Variants in ZNF678 observed in about 807,000 individuals in gnomAD.
ZNF678 encodes the protein zinc finger protein 678.
In ZNF678, 5 loss-of-function variants were observed where a neutral mutation model predicts 3.0. That is an observed-to-expected ratio of 1.69 (90% CI 0.88 to 3.56). ZNF678 has a LOEUF of 3.56. ZNF678 is among the 30% of genes most tolerant of loss of function. ZNF678 has a pLI of 0.00. For synonymous variants in ZNF678, 218 were observed against 199.6 expected, an observed-to-expected ratio of 1.09 and a Z score of -0.78; for missense variants, 593 against 605.0, an observed-to-expected ratio of 0.98 and a Z score of 0.21.
intron 2 of ZNF678, 144 bp from the exon 3 acceptor site, chr1:227,650,812 T>C: frequency 1.8e-6 from 1 of 570,592 alleles, no homozygotes; most frequent in Non-Finnish European, 2.9e-6. Flanking sequence ...TTTTATATTC[T>C]GCCAATTTAC....
chr1:227,613,842 C>A lies in ZNF678; in HGVS notation c.-163-32702C>A, dbSNP rs556969902. 2.6e-5 allele frequency among the ~76,000 whole-genome samples: 4 copies of A among 152,292 alleles called. No homozygotes were observed. The East Asian group carries it at 5.8e-4, about 22-fold the overall frequency. Reference sequence around the variant, plus strand: ...TGTACCTTGCCTGCCACAAGCCCCACGCCCAAAACTGTTTCTCTGGTGCCA... The same window carrying A: ...TGTACCTTGCCTGCCACAAGCCCCAAGCCCAAAACTGTTTCTCTGGTGCCA... On this transcript the variant is annotated intron_variant, in intron 1 of 3. Transcript: ENST00000343776.
intron 1 of ZNF678, among the ~76,000 whole-genome samples, chr1:227,579,341 A>G (rs748803732): frequency 6.6e-6 from 1 of 152,052 alleles, no homozygotes; most frequent in Non-Finnish European, 1.5e-5. Context: ...TCTGTGCCCT[A>G]CAAGCACAGA....
intron 5 of ZNF678, among the ~76,000 whole-genome samples, chr1:227,673,275 A>T (rs1297538246): frequency 6.6e-6 from 1 of 152,156 alleles, no homozygotes; most frequent in African/African-American, 2.4e-5. Flanking sequence ...ACCACTGGAC[A>T]CCTGACCTTT....
At chr1:227,675,744 C>T (rs960330712) in intron 5 of ZNF678, among the ~76,000 whole-genome samples, 4 of 151,970 alleles carry the variant, frequency 2.6e-5, no homozygotes, top group African/African-American at 4.8e-5. Flanking sequence ...CCATAAAAAA[C>T]ACCTATTATG....
intron 1 of ZNF678, among the ~76,000 whole-genome samples, chr1:227,608,369 A>C (rs574185878): frequency 5.8e-4 from 89 of 152,254 alleles, no homozygotes; most frequent in Middle Eastern, 3.4e-3. Flanking sequence ...TAGGTAAATA[A>C]ATACTCATTT....
At chr1:227,642,803 C>G (rs1165998301) in intron 1 of ZNF678, among the ~76,000 whole-genome samples, 1 of 151,846 alleles carries the variant, frequency 6.6e-6, no homozygotes, top group Non-Finnish European at 1.5e-5. Flanking sequence ...TTTGTTTCTC[C>G]CCTCACAGAA....
At chr1:227,603,617 C>G (rs1657790971) in intron 1 of ZNF678, among the ~76,000 whole-genome samples, 1 of 152,194 alleles carries the variant, frequency 6.6e-6, no homozygotes, top group South Asian at 2.1e-4. Flanking sequence ...GCTCCAGGGT[C>G]TTGGCACCCC....
Position 227,650,943 on chromosome 1 carries a change from T to C in ZNF678, c.-36-13T>C. On this transcript the variant is annotated splice_polypyrimidine_tract_variant and intron_variant, in intron 2 of 3. Coordinates refer to ENST00000343776, the MANE Select transcript of ZNF678 (RefSeq NM_001367909.1). The stretch of plus-strand genomic sequence containing the variant: ...GCTTTTAAAAAATTTTCTTGCCTAA[T>C]TGTTCTGTCTAGGACTTCCAGGACT... 2 of 1,539,436 alleles carry C rather than the reference T, an allele frequency of 1.3e-6. No individual in the cohort carries two copies. Among genetic ancestry groups the C allele is most frequent in the Non-Finnish European group, 1.8e-6 (2 of 1,140,730 alleles).
At chr1:227,591,843 G>A (rs1657422333) in intron 1 of ZNF678, among the ~76,000 whole-genome samples, 1 of 152,150 alleles carries the variant, frequency 6.6e-6, no homozygotes, top group Admixed American at 6.5e-5. Flanking sequence ...ACTGCGAACA[G>A]CCCTCAGTCT....
intron 1 of ZNF678, among the ~76,000 whole-genome samples, chr1:227,628,526 T>A (rs190250665): frequency 1.6e-3 from 246 of 152,356 alleles, no homozygotes; most frequent in Non-Finnish European, 2.7e-3. Context: ...CAAGGAACCC[T>A]CTTAATTGCT....
In ZNF678 at chr1:227,593,426, G is replaced by T. The variant is rs1011652343; in HGVS notation, c.-164+29702G>T. Among the ~76,000 whole-genome samples the T allele has an allele frequency of 2.6e-5, 4 of 152,150 alleles. No homozygotes were observed. In the East Asian group the frequency reaches 7.7e-4, roughly 29 times the overall value. On this transcript the variant is annotated intron_variant, in intron 1 of 3. Coordinates refer to ENST00000343776, the MANE Select transcript of ZNF678 (RefSeq NM_001367909.1). ...AAACCGGTTGGGGCAGTCCATCCTT[G>T]CCCTTTAGTGGTCCACAGAATGTTG...
At chr1:227,667,979 A>G (rs1327958776) in intron 5 of ZNF678, among the ~76,000 whole-genome samples, 2 of 152,232 alleles carry the variant, frequency 1.3e-5, no homozygotes, top group African/African-American at 4.8e-5. Flanking sequence ...ATACAGATTT[A>G]TGGAACATTT....
intron 5 of ZNF678, among the ~76,000 whole-genome samples, chr1:227,676,836 A>G (rs961504012): frequency 6.6e-6 from 1 of 151,964 alleles, no homozygotes; most frequent in African/African-American, 2.4e-5. Context: ...CCATGTCCCT[A>G]CAAAGGACAT....
rs1425128760 is a variant in ZNF678 at position 227,654,374 on chromosome 1, C to G, written c.124C>G (p.Gln42Glu). ...SYSIQDLLPE[Q>E]DMKDLCQKVT... ...TTCCATTCAAGACCTTTTGCCAGAG[C>G]AGGATATGAAAGATTTATGCCAAAA... The change falls in exon 4 of 4, where the codon CAG becomes GAG. Residue 42 changes from glutamine to glutamate, a missense_variant. Physicochemically the swap from Gln to Glu is conservative, Grantham distance 29. Transcript: ENST00000343776. 2 of 1,587,686 alleles carry G rather than the reference C, an allele frequency of 1.3e-6. No individual in the cohort carries two copies. Among genetic ancestry groups the G allele is most frequent in the Non-Finnish European group, 1.7e-6 (2 of 1,169,650 alleles).
chr1:227,649,681 T>G (rs1176227954), intron 2 of ZNF678, among the ~76,000 whole-genome samples: 1 of 152,198 alleles, frequency 6.6e-6, no homozygotes, highest in Non-Finnish European at 1.5e-5. Flanking sequence ...AACTGTTACC[T>G]CACTTTTTAA....
At chr1:227,574,890 A>T (rs1407952674) in intron 1 of ZNF678, among the ~76,000 whole-genome samples, 1 of 152,152 alleles carries the variant, frequency 6.6e-6, no homozygotes, top group Non-Finnish European at 1.5e-5. Context: ...CTAGCCAGTT[A>T]TCCCAGTAAC....
At chr1:227,593,488 A>C (rs1459290094) in intron 1 of ZNF678, among the ~76,000 whole-genome samples, 2 of 152,150 alleles carry the variant, frequency 1.3e-5, no homozygotes, top group African/African-American at 4.8e-5. Context: ...ATTGGGGGGC[A>C]AGACTCCTGG....
rs368440253 is a variant in ZNF678 at position 227,599,087 on chromosome 1, A to G, written c.-164+35363A>G. On this transcript the variant is annotated intron_variant, in intron 1 of 3. Coordinates refer to ENST00000343776, the MANE Select transcript of ZNF678 (RefSeq NM_001367909.1). The stretch of plus-strand genomic sequence containing the variant: ...CTGTATTGTTGGCCCTGAAGACTGG[A>G]TTGGACCCCTTGATCTCGCCATTGC... 1.6e-5 allele frequency: 26 copies of G among 1,596,606 alleles called. No individual in the cohort carries two copies. The East Asian group carries it at 5.6e-4, about 34-fold the overall frequency.
chr1:227,678,376 G>T (rs951401030), downstream of ZNF678, among the ~76,000 whole-genome samples: 1 of 152,118 alleles, frequency 6.6e-6, no homozygotes, highest in Non-Finnish European at 1.5e-5. Flanking sequence ...GTCTGTGATC[G>T]CTCTTTCCCA....
Sources: gnomAD v4.1 joint callset for allele counts (sites outside exome capture counted in the v4.1 genomes callset) on GRCh38, gnomAD v4.1.1 for gene constraint, MANE v1.5 for transcripts, NCBI Gene and HGNC (gene_info 2026-07-23, HGNC 2026-07-21) for gene names.